The following LGSN variants were observed in gnomAD, a reference collection of about 807,000 sequenced individuals.
LGSN encodes lengsin, lens protein with glutamine synthetase domain, also known as lengsin.
Under a neutral mutation model 19.5 loss-of-function variants are expected in LGSN, and 21 were observed. The ratio of observed to expected loss-of-function variants is 1.07; its 90% confidence interval spans 0.76 to 1.55. The LOEUF (loss-of-function observed/expected upper bound fraction) is 1.55, where lower values mean the gene tolerates loss of function less well. Among genes scored for constraint, LGSN ranks in the 40% most tolerant of loss-of-function variants. The probability of loss-of-function intolerance (pLI) is 0.00; values close to 1 mark genes in which losing one functional copy is unlikely to be tolerated. For synonymous variants in LGSN, 257 were observed against 215.6 expected (o/e 1.19, Z -1.68); for missense variants, 673 against 608.5 (o/e 1.11, Z -1.12).
the LGSN span, among the ~76,000 whole-genome samples, chr6:63,442,662 G>A: frequency 3.1e-4 from 47 of 152,098 alleles, no homozygotes; most frequent in African/African-American, 1.1e-3. Context: ...AGTGCTGATT[G>A]CTGCATTTAC....
chr6:63,536,024 C>T, the LGSN span, among the ~76,000 whole-genome samples: 1 of 151,918 alleles, frequency 6.6e-6, no homozygotes, highest in African/African-American at 2.4e-5. Flanking sequence ...CCACCCACCT[C>T]GGCCTCCCAA....
the LGSN span, among the ~76,000 whole-genome samples, chr6:63,350,010 T>C: frequency 1.3e-5 from 2 of 152,228 alleles, no homozygotes; most frequent in African/African-American, 2.4e-5. Flanking sequence ...AGAAGAATGT[T>C]TGATTATTTG....
At chr6:63,338,384 C>T in the LGSN span, among the ~76,000 whole-genome samples, 1 of 152,172 alleles carries the variant, frequency 6.6e-6, no homozygotes, top group Non-Finnish European at 1.5e-5. Context: ...CTCACTGAAG[C>T]TCTGAACCTC....
chr6:63,463,264 A>T, the LGSN span, among the ~76,000 whole-genome samples: 2 of 152,208 alleles, frequency 1.3e-5, no homozygotes, highest in Non-Finnish European at 2.9e-5. Flanking sequence ...AGTACCTGAC[A>T]TGTATAAAGA....
In LGSN at chr6:63,291,354, T is replaced by C. The variant is rs375980545; in HGVS notation, c.163+3559A>G. Among the ~76,000 whole-genome samples the C allele has an allele frequency of 1.1e-4, 17 of 152,206 alleles. No individual in the cohort carries two copies. The East Asian group carries it at 2.5e-3, about 23-fold the overall frequency. ...CCAGGAAGAAACAGGTCACATGGAC[T>C]AGAAGGATGGTGAATGTGGGGATTT... is the stretch of plus-strand genomic sequence containing the variant. On this transcript the variant is annotated intron_variant, in intron 2 of 3. Coordinates refer to ENST00000370657, the MANE Select transcript of LGSN (RefSeq NM_016571.3).
chr6:63,566,455 T>C, the LGSN span, among the ~76,000 whole-genome samples: 2 of 152,114 alleles, frequency 1.3e-5, no homozygotes, highest in Non-Finnish European at 2.9e-5. Context: ...ATGTTCAAGC[T>C]GGTTTGGGTT....
the LGSN span, among the ~76,000 whole-genome samples, chr6:63,365,898 C>A: frequency 6.6e-6 from 1 of 152,150 alleles, no homozygotes; most frequent in Non-Finnish European, 1.5e-5. Context: ...GAGCTTCATG[C>A]TAAAAACTCT....
the LGSN span, among the ~76,000 whole-genome samples, chr6:63,357,798 T>C: frequency 1.3e-5 from 2 of 152,212 alleles, no homozygotes; most frequent in Non-Finnish European, 2.9e-5. Context: ...TTCACTCTGA[T>C]GGTAGTTTCT....
chr6:63,524,064 C>A, the LGSN span, among the ~76,000 whole-genome samples: 67 of 152,196 alleles, frequency 4.4e-4, no homozygotes, highest in African/African-American at 1.3e-3. Flanking sequence ...TCACTGCAAC[C>A]TTTGCCTCCC....
At chr6:63,324,459 T>A (rs192175347), upstream of LGSN, among the ~76,000 whole-genome samples, 248 of 152,352 alleles carry the variant, frequency 1.6e-3, 2 homozygotes, top group South Asian at 4.8e-3. Flanking sequence ...CAACTGAGAA[T>A]ACACATTGTC....
At chr6:63,540,081 G>C in the LGSN span, among the ~76,000 whole-genome samples, 35 of 152,258 alleles carry the variant, frequency 2.3e-4, no homozygotes, top group East Asian at 4.8e-3. Context: ...CCATGCCCCT[G>C]CACTTTAGCT....
chr6:63,408,160 G>A, the LGSN span, among the ~76,000 whole-genome samples: 3 of 152,204 alleles, frequency 2.0e-5, no homozygotes, highest in Admixed American at 1.3e-4. Context: ...GACTTTCTTT[G>A]CAGAATTGGA....
At chr6:63,370,003 A>C in the LGSN span, among the ~76,000 whole-genome samples, 2 of 145,232 alleles carry the variant, frequency 1.4e-5, no homozygotes, top group African/African-American at 2.8e-5. Flanking sequence ...CTGTGTATCC[A>C]AAAAAGAAGA....
the LGSN span, among the ~76,000 whole-genome samples, chr6:63,359,133 A>G: frequency 3.3e-5 from 5 of 152,156 alleles, no homozygotes; most frequent in African/African-American, 1.2e-4. Context: ...GCTGGATTAC[A>G]TTTATTGATT....
At chr6:63,554,677 C>T in the LGSN span, among the ~76,000 whole-genome samples, 3 of 152,104 alleles carry the variant, frequency 2.0e-5, no homozygotes, top group Non-Finnish European at 4.4e-5. Flanking sequence ...GTCCCAGCTA[C>T]TGGAGAGGCT....
intron 1 of LGSN, among the ~76,000 whole-genome samples, chr6:63,306,705 A>T (rs1465088758): frequency 2.0e-5 from 3 of 152,220 alleles, no homozygotes; most frequent in Non-Finnish European, 4.4e-5. Flanking sequence ...CAAATAGCAG[A>T]CAGATTACAA....
At chr6:63,489,104 C>T in the LGSN span, among the ~76,000 whole-genome samples, 6 of 152,014 alleles carry the variant, frequency 3.9e-5, no homozygotes, top group African/African-American at 1.2e-4. Context: ...AGCAAAAATG[C>T]TTAATTTGTA....
chr6:63,349,800 C>T, the LGSN span, among the ~76,000 whole-genome samples: 1 of 152,100 alleles, frequency 6.6e-6, no homozygotes, highest in Non-Finnish European at 1.5e-5. Flanking sequence ...GTACTAACGA[C>T]GTGATTGAGT....
the LGSN span, among the ~76,000 whole-genome samples, chr6:63,509,116 G>A: frequency 1.4e-4 from 21 of 150,600 alleles, no homozygotes; most frequent in African/African-American, 4.9e-4. Flanking sequence ...CCAGGCTGGA[G>A]TACACTGGCA....
Sources: gnomAD v4.1 joint callset for allele counts (sites outside exome capture counted in the v4.1 genomes callset) on GRCh38, gnomAD v4.1.1 for gene constraint, MANE v1.5 for transcripts, NCBI Gene and HGNC (gene_info 2026-07-23, HGNC 2026-07-21) for gene names.